ABCA12: variants seen among roughly 807,000 people sequenced by gnomAD.
ABCA12 encodes ATP binding cassette subfamily A member 12, also known as glucosylceramide transporter ABCA12.
Under a neutral mutation model 293.5 loss-of-function variants are expected in ABCA12, and 156 were observed. That is an observed-to-expected ratio of 0.53 (90% CI 0.47 to 0.61). ABCA12 has a LOEUF of 0.61. Among genes scored for constraint, ABCA12 ranks in the 20% least tolerant of loss-of-function variants. The probability of loss-of-function intolerance (pLI) is 0.00; values close to 1 mark genes in which losing one functional copy is unlikely to be tolerated. For synonymous variants in ABCA12, 1,063 were observed against 1,108.0 expected (o/e 0.96, Z 0.81); for missense variants, 2,797 against 3,090.2 (o/e 0.91, Z 2.25).
chr2:215,045,854 A>C lies in ABCA12; in HGVS notation c.855T>G (p.Val285=). The C allele has an allele frequency of 6.2e-7, 1 of 1,613,470 alleles. No individual in the cohort carries two copies. The highest frequency in any genetic ancestry group is 8.5e-7 in the Non-Finnish European group (1 of 1,179,684). ...NDTSLSNLFD[V]LRKANSVLLV... ...TTTCTTACCTGTTTGCCTTTCGAAG[A>C]ACATCAAATAGATTGCTTAGTGATG... Residue 285 remains valine (V), a synonymous_variant, in exon 7 of 53, where the codon GTT becomes GTG. Coordinates refer to ENST00000272895, the MANE Select transcript of ABCA12 (RefSeq NM_173076.3).
In ABCA12 at chr2:215,012,172, G is replaced by A. The variant is rs1027806462; in HGVS notation, c.1957-37C>T. 10 of 1,596,438 alleles carry A rather than the reference G, an allele frequency of 6.3e-6. No homozygotes were observed. The Admixed American group carries it at 1.2e-4, about 19-fold the overall frequency. Reference sequence around the variant, plus strand: ...AGAATAAAAATAAATGCTTTATGTGGAAAAATTGAATCCTCATGCATTGTT... The same window carrying A: ...AGAATAAAAATAAATGCTTTATGTGAAAAAATTGAATCCTCATGCATTGTT... On this transcript the variant is annotated intron_variant, in intron 15 of 52. Transcript: ENST00000272895.
intron 10 of ABCA12, among the ~76,000 whole-genome samples, chr2:215,026,612 G>A (rs971935641): frequency 6.6e-6 from 1 of 152,214 alleles, no homozygotes; most frequent in Non-Finnish European, 1.5e-5. Context: ...CAGGTGGCCA[G>A]CTAGTGCTAG....
intron 8 of ABCA12, among the ~76,000 whole-genome samples, chr2:215,033,769 G>A (rs982380497): frequency 2.6e-5 from 4 of 151,802 alleles, no homozygotes; most frequent in African/African-American, 7.3e-5. Context: ...GTGACACCCC[G>A]TCTCTACTAA....
intron 2 of ABCA12, among the ~76,000 whole-genome samples, chr2:215,072,445 A>G (rs1043666193): frequency 3.3e-5 from 5 of 152,072 alleles, no homozygotes; most frequent in African/African-American, 1.2e-4. Context: ...GAGTTTTTAG[A>G]AGGCAGTCTG....
At chr2:215,078,931 G>A (rs1701885296) in intron 2 of ABCA12, among the ~76,000 whole-genome samples, 2 of 152,008 alleles carry the variant, frequency 1.3e-5, no homozygotes, top group East Asian at 3.9e-4. Flanking sequence ...CCTACCCACG[G>A]GTCCAAAAAT....
At chr2:214,985,561 TA>T (rs1048011912) in intron 28 of ABCA12, among the ~76,000 whole-genome samples, 7 of 151,536 alleles carry the variant, frequency 4.6e-5, no homozygotes, top group South Asian at 2.1e-4. Flanking sequence ...AAATAAAAGT[TA>T]AAAAAAAATC....
intron 1 of ABCA12, among the ~76,000 whole-genome samples, chr2:215,132,304 CTTGA>C (rs1297971216): frequency 6.6e-6 from 1 of 151,934 alleles, no homozygotes; most frequent in Non-Finnish European, 1.5e-5. Flanking sequence ...GATTTTCTGC[CTTGA>C]TTATCTGTCT....
intron 2 of ABCA12, among the ~76,000 whole-genome samples, chr2:215,088,766 GA>G (rs1702086227): frequency 1.3e-5 from 2 of 152,226 alleles, no homozygotes; most frequent in South Asian, 4.2e-4. Context: ...ACCTGTTTTG[GA>G]AAAAAGACTG....
intron 23 of ABCA12, among the ~76,000 whole-genome samples, chr2:214,996,056 C>A (rs1700026399): frequency 6.6e-6 from 1 of 152,094 alleles, no homozygotes; most frequent in South Asian, 2.1e-4. Context: ...GATCTTCCAC[C>A]ATGTGACTTT....
At chr2:215,086,842 T>C (rs906337493) in intron 2 of ABCA12, among the ~76,000 whole-genome samples, 5 of 152,148 alleles carry the variant, frequency 3.3e-5, no homozygotes, top group African/African-American at 1.2e-4. Flanking sequence ...AGGCTTGTTT[T>C]CACTGTAAAC....
intron 1 of ABCA12, among the ~76,000 whole-genome samples, chr2:215,123,767 T>A (rs1702859177): frequency 6.6e-6 from 1 of 151,894 alleles, no homozygotes; most frequent in South Asian, 2.1e-4. Context: ...CCTTTTTTAA[T>A]CTTTATTTTA....
rs73090431 is a variant in ABCA12, at chr2:215,005,268, C to A, written c.2593-969G>T. 8.1e-3 allele frequency among the ~76,000 whole-genome samples: 1,232 copies of A among 152,252 alleles called. 18 individuals carry two copies. Among genetic ancestry groups the A allele is most frequent in the African/African-American group, 0.029 (1,190 of 41,532 alleles). ...AAAAAATGAAGGAGAGAATTCAACTCAATTAAAGAAATGTTTTTTCATCAC... is the reference window on the plus strand; with the variant it reads ...AAAAAATGAAGGAGAGAATTCAACTAAATTAAAGAAATGTTTTTTCATCAC... On this transcript the variant is annotated intron_variant, in intron 19 of 52. Transcript: ENST00000272895.
chr2:215,000,777 T>G lies in ABCA12; in HGVS notation c.3107A>C (p.Gln1036Pro). The change falls in exon 22 of 53, where the codon CAA becomes CCA. Residue 1036 changes from glutamine to proline, a missense_variant. By Grantham distance (76) the Gln-to-Pro change is moderately conservative. Transcript: ENST00000272895. ...TATTTCCTGGGAGTTCCTTCCAGTTTGCAATTCAATGATTGCTCTTTCAAT... is the reference window on the plus strand; with the variant it reads ...TATTTCCTGGGAGTTCCTTCCAGTTGGCAATTCAATGATTGCTCTTTCAAT... The part of the protein sequence containing the change: ...DSIERAIIEL[Q>P]TGRNSQEIAV... 6.2e-7 allele frequency: 1 copy of G among 1,614,158 alleles called. No homozygotes were observed. Among genetic ancestry groups the G allele is most frequent in the South Asian group, 1.1e-5 (1 of 91,082 alleles).
Position 215,019,566 on chromosome 2 carries a change from T to C in ABCA12, c.1518A>G (p.Pro506=), listed in dbSNP as rs1199164294. 5.0e-6 allele frequency: 8 copies of C among 1,614,120 alleles called. No individual in the cohort carries two copies. The highest frequency in any genetic ancestry group is 6.8e-6 in the Non-Finnish European group (8 of 1,180,052). ...KKVRDLLTGD[P]SKINLNMDQF... is the part of the protein sequence containing the mutation. ...GATCCATATTTAAATTAATTTTGCT[T>C]GGATCTCCAGTCAGCAAATCTCTCA... Residue 506 remains proline (P), a synonymous_variant, in exon 12 of 53, where the codon CCA becomes CCG. Coordinates refer to ENST00000272895, the MANE Select transcript of ABCA12 (RefSeq NM_173076.3).
chr2:215,109,516 G>A (rs1196901732), intron 2 of ABCA12, among the ~76,000 whole-genome samples: 1 of 152,118 alleles, frequency 6.6e-6, no homozygotes, highest in South Asian at 2.1e-4. Flanking sequence ...ATTTTGTACT[G>A]TCCTACTGAT....
intron 22 of ABCA12, 70 bp from the exon 23 acceptor site, chr2:214,997,879 T>C (rs1700069225): frequency 5.6e-6 from 5 of 900,610 alleles, no homozygotes; most frequent in Admixed American, 3.8e-5. Context: ...GATTATAATA[T>C]ATAAAGAACT....
chr2:215,021,478 G>A (rs1401120410), intron 11 of ABCA12, among the ~76,000 whole-genome samples: 1 of 152,180 alleles, frequency 6.6e-6, no homozygotes, highest in East Asian at 1.9e-4. Flanking sequence ...TATGTGTTCT[G>A]AGGATATATT....
chr2:215,060,202 C>T (rs891052874), intron 3 of ABCA12, among the ~76,000 whole-genome samples: 4 of 152,040 alleles, frequency 2.6e-5, no homozygotes, highest in Admixed American at 1.3e-4. Flanking sequence ...TAGCAGTTTA[C>T]GTGTTATCTT....
intron 2 of ABCA12, among the ~76,000 whole-genome samples, chr2:215,069,711 C>T (rs1446082544): frequency 6.6e-6 from 1 of 152,188 alleles, no homozygotes; most frequent in Non-Finnish European, 1.5e-5. Context: ...AAATCAAATA[C>T]ACCAGTTCTT....
Sources: allele counts gnomAD v4.1 joint callset (sites outside exome capture counted in the v4.1 genomes callset), GRCh38; gene constraint gnomAD v4.1.1; transcripts MANE v1.5; gene names NCBI Gene and HGNC (gene_info 2026-07-23, HGNC 2026-07-21).